Variants in PLK1 observed in about 807,000 individuals in gnomAD.
The protein encoded by PLK1 is serine/threonine-protein kinase PLK1.
Under a neutral mutation model 56.7 loss-of-function variants are expected in PLK1, and 6 were observed. That is an observed-to-expected ratio of 0.11 (90% CI 0.06 to 0.21). The LOEUF (loss-of-function observed/expected upper bound fraction) is 0.21, where lower values mean the gene tolerates loss of function less well. Ranked by LOEUF, PLK1 falls within the 10% of genes least tolerant of loss-of-function variation. The probability of loss-of-function intolerance (pLI) is 1.00; values close to 1 mark genes in which losing one functional copy is unlikely to be tolerated. For synonymous variants in PLK1, 298 were observed against 325.0 expected, an observed-to-expected ratio of 0.92 and a Z score of 0.89; for missense variants, 546 against 814.4, an observed-to-expected ratio of 0.67 and a Z score of 4.01.
chr16:23,681,672 G>A (rs1959333474), intron 3 of PLK1, among the ~76,000 whole-genome samples: 3 of 152,172 alleles, frequency 2.0e-5, no homozygotes, highest in Admixed American at 1.3e-4. Flanking sequence ...CTTTGCAGTG[G>A]GGTTTTTTCA....
rs1414921701 is a variant in PLK1, at chr16:23,689,595, C to T, written c.1527C>T (p.Pro509=). ...PREGDELARL[P]YLRTWFRTRS... is the part of the protein sequence containing the mutation. ...AAGGTGATGAGCTCGCCCGGCTGCC[C>T]TACCTACGGACCTGGTTCCGCACCC... The change falls in exon 9 of 10, where the codon CCC becomes CCT. Residue 509 remains proline, a synonymous_variant. Coordinates refer to ENST00000300093, the MANE Select transcript of PLK1 (RefSeq NM_005030.6). The surrounding 1 kb of genome is among the most constrained non-coding windows in gnomAD (Gnocchi z 4.8). The T allele has an allele frequency of 1.9e-6, 3 of 1,613,546 alleles. No individual in the cohort carries two copies. Among genetic ancestry groups the T allele is most frequent in the Admixed American group, 1.7e-5 (1 of 60,022 alleles).
rs752011535 is a variant in PLK1 at position 23,684,041 on chromosome 16, A to G, written c.988A>G (p.Ser330Gly). 2.5e-6 allele frequency: 4 copies of G among 1,614,134 alleles called. No individual in the cohort carries two copies. The highest frequency in any genetic ancestry group is 3.4e-6 in the Non-Finnish European group (4 of 1,180,024). ...TIPPRFSIAP[S>G]SLDPSNRKPL... ...TCCACCAAGGTTTTCGATTGCTCCC[A>G]GCAGCCTGGACCCCAGCAACCGGAA... Residue 330 changes from serine (S) to glycine (G), a missense_variant, in exon 5 of 10, where the codon AGC (serine) becomes GGC (glycine). Physicochemically the swap from Ser to Gly is moderately conservative, Grantham distance 56. Coordinates refer to ENST00000300093, the MANE Select transcript of PLK1 (RefSeq NM_005030.6).
intron 1 of PLK1, chr16:23,679,804 TG>T (rs917247499): frequency 1.1e-4 from 36 of 329,206 alleles, no homozygotes; most frequent in Middle Eastern, 4.1e-4. Context: ...GCTTCCGGAG[TG>T]GGGCTGAGAG....
At position 23,683,926 on chromosome 16, in the gene PLK1, T is replaced by A. The variant is rs749328276; in HGVS notation, c.873T>A (p.Thr291=). The A allele has an allele frequency of 1.9e-6, 3 of 1,614,168 alleles. No individual in the cohort carries two copies. The Admixed American group carries it at 5.0e-5, about 27-fold the overall frequency. The part of the protein sequence containing the change: ...LIQKMLQTDP[T]ARPTINELLN... Reference sequence around the variant, plus strand: ...AGAAGATGCTTCAGACAGATCCCACTGCCCGCCCAACCATTAACGAGCTGC... The same window carrying A: ...AGAAGATGCTTCAGACAGATCCCACAGCCCGCCCAACCATTAACGAGCTGC... The change falls in exon 5 of 10, where the codon ACT becomes ACA. Residue 291 remains threonine (T), a synonymous_variant. Coordinates refer to ENST00000300093, the MANE Select transcript of PLK1 (RefSeq NM_005030.6).
chr16:23,683,022 G>A (rs1959363095), intron 4 of PLK1, among the ~76,000 whole-genome samples: 2 of 120,108 alleles, frequency 1.7e-5, no homozygotes, highest in East Asian at 2.6e-4. Context: ...ATGGAGTCTC[G>A]CTCTGTCGCC....
At chr16:23,688,216 TTAA>T (rs1452820821) in intron 6 of PLK1, among the ~76,000 whole-genome samples, 1 of 152,244 alleles carries the variant, frequency 6.6e-6, no homozygotes, top group East Asian at 1.9e-4. Flanking sequence ...TCACAGTTTC[TTAA>T]TTACTCCAAA....
intron 1 of PLK1, chr16:23,679,631 G>T: frequency 2.5e-6 from 1 of 401,774 alleles, no homozygotes; most frequent in Non-Finnish European, 4.5e-6. Flanking sequence ...GGTAATGGAC[G>T]CTAGGGCCCT....
chr16:23,679,773 A>G, intron 1 of PLK1: 1 of 311,002 alleles, frequency 3.2e-6, no homozygotes, highest in Non-Finnish European at 6.0e-6. Flanking sequence ...CAGGAAAGGG[A>G]TCTGGTGCTG....
chr16:23,688,699 C>T lies in PLK1; in HGVS notation c.1224C>T (p.Ile408=). 4 of 1,614,100 alleles carry T rather than the reference C, an allele frequency of 2.5e-6. No individual in the cohort carries two copies. The highest frequency in any genetic ancestry group is 2.5e-6 in the Non-Finnish European group (3 of 1,179,900). The change falls in exon 7 of 10, where the codon ATC becomes ATT. Residue 408 remains isoleucine, a synonymous_variant. Coordinates refer to ENST00000300093, the MANE Select transcript of PLK1 (RefSeq NM_005030.6). ...EEAEDPACIP[I]FWVSKWVDYS... ...CTGAGGATCCTGCCTGCATCCCCAT[C>T]TTCTGGGTCAGCAAGTGGGTGGACT...
At chr16:23,688,974 A>G (rs1959481950) in intron 7 of PLK1, among the ~76,000 whole-genome samples, 1 of 151,470 alleles carries the variant, frequency 6.6e-6, no homozygotes, top group South Asian at 2.1e-4. Flanking sequence ...TGGCACAATC[A>G]TGGCTCACTG....
chr16:23,690,102 C>T lies in PLK1; in HGVS notation c.*39C>T, dbSNP rs200807454. 10 of 1,498,086 alleles carry T rather than the reference C, an allele frequency of 6.7e-6. No homozygotes were observed. The East Asian group carries it at 2.3e-4, about 34-fold the overall frequency. 92.8% of individuals were successfully genotyped at this position (1,498,086 alleles called of 1,614,324 possible). A position where few individuals can be genotyped will look rare whatever the true frequency, so the allele number is the denominator to read the frequency against. On this transcript the variant is annotated 3_prime_UTR_variant, in exon 10 of 10. Transcript: ENST00000300093. ...CTCCGGACTGGTGCCCTCCTCACTC[C>T]CACCTGCATCTGGGGCCCATACTGG...
chr16:23,679,503 A>G (rs1241024429), intron 1 of PLK1, 163 bp downstream of exon 1: 1 of 636,962 alleles, frequency 1.6e-6, no homozygotes, highest in Non-Finnish European at 2.7e-6. Context: ...TGTCTTTGGT[A>G]AGGGCTTCTT....
chr16:23,689,289 G>T lies in PLK1; in HGVS notation c.1322G>T (p.Arg441Leu). The change falls in exon 8 of 10, where the codon CGC becomes CTC. Residue 441 changes from arginine to leucine, a missense_variant. This residue lies in a region of PLK1 where 113 missense variants were observed against 202.0 expected (regional missense o/e 0.56). Coordinates refer to ENST00000300093, the MANE Select transcript of PLK1 (RefSeq NM_005030.6). The surrounding 1 kb of genome is among the most constrained non-coding windows in gnomAD (Gnocchi z 4.8). ...GGGGTGCTCTTCAATGACTCAACACGCCTCATCCTCTACAATGATGGTGAC... is the reference window on the plus strand; with the variant it reads ...GGGGTGCTCTTCAATGACTCAACACTCCTCATCCTCTACAATGATGGTGAC... ...SVGVLFNDST[R>L]LILYNDGDSL... is the part of the protein sequence containing the mutation. The T allele has an allele frequency of 6.2e-7, 1 of 1,613,750 alleles. No homozygotes were observed. The highest frequency in any genetic ancestry group is 8.5e-7 in the Non-Finnish European group (1 of 1,179,758).
intron 7 of PLK1, 66 bp downstream of exon 7, chr16:23,688,811 ACT>A (rs1959475920): frequency 1.8e-6 from 2 of 1,140,248 alleles, no homozygotes; most frequent in African/African-American, 1.5e-5. Flanking sequence ...GTTGTTACAG[ACT>A]CTGGCCTTTT....
In PLK1 at chr16:23,679,855, G is replaced by T. The variant is rs541356320; in HGVS notation, c.409-229G>T. 3 of 428,982 alleles carry T rather than the reference G, an allele frequency of 7.0e-6. No individual in the cohort carries two copies. In the South Asian group the frequency reaches 1.6e-4, roughly 22 times the overall value. 26.6% of individuals were successfully genotyped at this position (428,982 alleles called of 1,614,324 possible). On this transcript the variant is annotated intron_variant, in intron 1 of 9. Transcript: ENST00000300093. ...AGGGGGGAAGCTAGTAGGAGAAGGGGTGCTGCGAATGGTTGTGGACAGTGT... is the reference window on the plus strand; with the variant it reads ...AGGGGGGAAGCTAGTAGGAGAAGGGTTGCTGCGAATGGTTGTGGACAGTGT...
intron 3 of PLK1, among the ~76,000 whole-genome samples, chr16:23,681,724 G>A (rs1434600728): frequency 6.6e-6 from 1 of 152,188 alleles, no homozygotes; most frequent in East Asian, 1.9e-4. Flanking sequence ...GCTAAAGGTG[G>A]AGCTGCTTCT....
chr16:23,684,220 G>A lies in PLK1; in HGVS notation c.1036+131G>A, dbSNP rs1959388639. Reference sequence around the variant, plus strand: ...GACAGGCCTCTGTCCTTCAATCCGTGGTTCCAATGCCCATCTGCTTCTCGG... The same window carrying A: ...GACAGGCCTCTGTCCTTCAATCCGTAGTTCCAATGCCCATCTGCTTCTCGG... On this transcript the variant is annotated intron_variant, in intron 5 of 9. Coordinates refer to ENST00000300093, the MANE Select transcript of PLK1 (RefSeq NM_005030.6). 4.4e-6 allele frequency: 3 copies of A among 679,038 alleles called. No homozygotes were observed. In the South Asian group the frequency reaches 5.3e-5, roughly 12 times the overall value. 42.1% of individuals were successfully genotyped at this position (679,038 alleles called of 1,614,324 possible). A position where few individuals can be genotyped will look rare whatever the true frequency, so the allele number is the denominator to read the frequency against.
chr16:23,689,349 C>T lies in PLK1; in HGVS notation c.1382C>T (p.Ser461Phe). 6.2e-7 allele frequency: 1 copy of T among 1,613,456 alleles called. No homozygotes were observed. The change falls in exon 8 of 10, where the codon TCC (serine) becomes TTC (phenylalanine). Residue 461 changes from serine to phenylalanine, a missense_variant. This residue lies in a region of PLK1 where 113 missense variants were observed against 202.0 expected (regional missense o/e 0.56). Transcript: ENST00000300093. The surrounding 1 kb of genome is among the most constrained non-coding windows in gnomAD (Gnocchi z 4.8). ...LQYIERDGTE[S>F]YLTVSSHPNS... ...TACATAGAGCGTGACGGCACTGAGT[C>T]CTACCTCACCGTGAGTTCCCATCCC...
chr16:23,688,812 C>G (rs1419824552), intron 7 of PLK1, 67 bp downstream of exon 7: 20 of 1,137,724 alleles, frequency 1.8e-5, no homozygotes, highest in Non-Finnish European at 2.4e-5. Context: ...TTGTTACAGA[C>G]TCTGGCCTTT....
Sources: gnomAD v4.1 joint callset for allele counts (sites outside exome capture counted in the v4.1 genomes callset) on GRCh38, gnomAD v4.1.1 for gene constraint, gnomAD v4.1.1 regional missense constraint, Gnocchi (gnomAD v3.1) non-coding constraint, MANE v1.5 for transcripts, NCBI Gene and HGNC (gene_info 2026-07-23, HGNC 2026-07-21) for gene names.